Variants in ADAMTS3 observed in about 807,000 individuals in gnomAD.
ADAMTS3 encodes the protein A disintegrin and metalloproteinase with thrombospondin motifs 3.
ADAMTS3 carries 73 observed loss-of-function variants against 129.0 expected under a neutral mutation model. The observed-to-expected ratio is 0.57, with a 90% CI of 0.47 to 0.69. The LOEUF (loss-of-function observed/expected upper bound fraction) is 0.69, where lower values mean the gene tolerates loss of function less well. ADAMTS3 is among the 30% of genes least tolerant of loss of function. The probability of loss-of-function intolerance (pLI) is 0.00; values close to 1 mark genes in which losing one functional copy is unlikely to be tolerated. For missense variants in ADAMTS3, 1,457 were observed against 1,514.5 expected (o/e 0.96, Z 0.63); for synonymous variants, 477 against 510.8 (o/e 0.93, Z 0.89).
At chr4:72,295,876 CATCCATTCA>C in intron 18 of ADAMTS3, 90 bp from the exon 19 acceptor site, 1 of 1,464,350 alleles carries the variant, frequency 6.8e-7, no homozygotes, top group Non-Finnish European at 9.3e-7. Flanking sequence ...TACATTTATT[CATCCATTCA>C]ATAAATATGT....
chr4:72,446,205 G>A (rs1345957099), intron 3 of ADAMTS3, among the ~76,000 whole-genome samples: 2 of 151,628 alleles, frequency 1.3e-5, no homozygotes, highest in Non-Finnish European at 3.0e-5. Flanking sequence ...ACTTCTGACA[G>A]TTCCACATCC....
intron 3 of ADAMTS3, among the ~76,000 whole-genome samples, chr4:72,494,277 T>A (rs71603603): frequency 1.3e-5 from 2 of 152,138 alleles, no homozygotes; most frequent in Non-Finnish European, 2.9e-5. Flanking sequence ...TTATTCTTTG[T>A]CCTTCTTTGA....
intron 3 of ADAMTS3, among the ~76,000 whole-genome samples, chr4:72,455,904 T>A (rs1353806034): frequency 9.0e-6 from 1 of 111,300 alleles, no homozygotes; most frequent in African/African-American, 4.0e-5. Context: ...ATATAGTATA[T>A]ACACTGTATA....
chr4:72,309,547 C>A, intron 14 of ADAMTS3, 27 bp from the exon 15 acceptor site: 1 of 1,609,240 alleles, frequency 6.2e-7, no homozygotes, highest in Non-Finnish European at 8.5e-7. Flanking sequence ...TCAAATGTGG[C>A]TAATTTTAGT....
chr4:72,513,525 A>G (rs1720371287), intron 3 of ADAMTS3, among the ~76,000 whole-genome samples: 1 of 152,162 alleles, frequency 6.6e-6, no homozygotes, highest in South Asian at 2.1e-4. Flanking sequence ...AATTCTGATC[A>G]GAAGACTCTT....
intron 4 of ADAMTS3, 23 bp from the exon 5 acceptor site, chr4:72,339,716 AG>A (rs749235348): frequency 6.2e-7 from 1 of 1,603,524 alleles, no homozygotes; most frequent in East Asian, 2.2e-5. Flanking sequence ...AAAAGGAACC[AG>A]GAATTTCAGT....
Position 72,283,643 on chromosome 4 carries a change from G to A in ADAMTS3, c.3111C>T (p.Cys1037=), listed in dbSNP as rs1718419705. The change falls in exon 22 of 22, where the codon TGC becomes TGT. Residue 1037 remains cysteine (C), a synonymous_variant. Coordinates refer to ENST00000286657, the MANE Select transcript of ADAMTS3 (RefSeq NM_014243.3). The part of the protein sequence containing the change: ...FCQMEVLARY[C]SIPGYNKLCC... ...ATAACTTGTTATAACCTGGTATGGA[G>A]CAGTATCGTGCCAACACTTCCATTT... 3 of 1,613,382 alleles carry A rather than the reference G, an allele frequency of 1.9e-6. No homozygotes were observed. Among genetic ancestry groups the A allele is most frequent in the Non-Finnish European group, 2.5e-6 (3 of 1,179,658 alleles).
intron 4 of ADAMTS3, 66 bp from the exon 5 acceptor site, chr4:72,339,759 A>G (rs934513017): frequency 2.1e-5 from 28 of 1,323,644 alleles, no homozygotes; most frequent in Non-Finnish European, 2.9e-5. Flanking sequence ...CACTTCTTAG[A>G]AAAAAAGAAT....
intron 21 of ADAMTS3, among the ~76,000 whole-genome samples, chr4:72,284,255 AAC>A (rs1015933303): frequency 1.3e-5 from 2 of 152,172 alleles, no homozygotes; most frequent in African/African-American, 4.8e-5. Flanking sequence ...CATCCTGGCT[AAC>A]ACAGTGAAAA....
At chr4:72,503,951 G>A (rs1048351671) in intron 3 of ADAMTS3, among the ~76,000 whole-genome samples, 3 of 152,138 alleles carry the variant, frequency 2.0e-5, no homozygotes, top group Non-Finnish European at 4.4e-5. Flanking sequence ...GTGCATAATA[G>A]ATTTTTCTCC....
rs767012923 is a variant in ADAMTS3, at chr4:72,471,626, G to A, written c.505-56655C>T. On this transcript the variant is annotated intron_variant, in intron 3 of 21. Transcript: ENST00000286657. Reference sequence around the variant, plus strand: ...AAAATGCAAAAGCAGATATGAAAACGTAACCATCTTCTATCAAGCCAGGCA... The same window carrying A: ...AAAATGCAAAAGCAGATATGAAAACATAACCATCTTCTATCAAGCCAGGCA... 1.1e-4 allele frequency among the ~76,000 whole-genome samples: 17 copies of A among 152,030 alleles called. No individual in the cohort carries two copies. The East Asian group carries it at 1.2e-3, about 10-fold the overall frequency.
intron 3 of ADAMTS3, among the ~76,000 whole-genome samples, chr4:72,467,350 T>A (rs968728762): frequency 1.3e-5 from 2 of 152,090 alleles, no homozygotes; most frequent in Non-Finnish European, 2.9e-5. Flanking sequence ...ACAGTATCTA[T>A]TGCAGTATCT....
chr4:72,352,595 C>T (rs778294028), intron 4 of ADAMTS3, among the ~76,000 whole-genome samples: 3 of 151,880 alleles, frequency 2.0e-5, no homozygotes, highest in East Asian at 1.9e-4. Context: ...GTCATCAAGG[C>T]GGTCACAGCT....
At chr4:72,336,495 T>C (rs1719991194) in intron 5 of ADAMTS3, among the ~76,000 whole-genome samples, 1 of 152,194 alleles carries the variant, frequency 6.6e-6, no homozygotes, top group Admixed American at 6.5e-5. Context: ...CTTCTCATTC[T>C]CATTTGATGA....
intron 3 of ADAMTS3, among the ~76,000 whole-genome samples, chr4:72,520,835 T>C (rs10010162): frequency 0.25 from 38,538 of 151,902 alleles, 5,061 homozygotes; most frequent in Middle Eastern, 0.34. Context: ...TCGCGCATGA[T>C]GTGCTGCACC....
At chr4:72,530,036 A>AACATATTATATTTATATATAATATGTT (rs1720948153) in intron 3 of ADAMTS3, among the ~76,000 whole-genome samples, 2 of 7,728 alleles carry the variant, frequency 2.6e-4, no homozygotes, top group Non-Finnish European at 4.9e-4. Context: ...ATATAAATAT[A>AACATATTATATTTATATATAATATGTT]ATATATTATA....
chr4:72,422,505 C>A (rs866416028), intron 3 of ADAMTS3, among the ~76,000 whole-genome samples: 4 of 151,936 alleles, frequency 2.6e-5, no homozygotes, highest in Non-Finnish European at 4.4e-5. Flanking sequence ...TGCTTTAATT[C>A]TTCATATAGG....
intron 16 of ADAMTS3, among the ~76,000 whole-genome samples, chr4:72,305,439 G>T (rs1719057035): frequency 1.3e-5 from 2 of 152,004 alleles, no homozygotes; most frequent in African/African-American, 2.4e-5. Context: ...GAACTTATTT[G>T]TAAACATAAG....
intron 3 of ADAMTS3, among the ~76,000 whole-genome samples, chr4:72,464,967 C>T (rs1381908689): frequency 6.6e-6 from 1 of 151,970 alleles, no homozygotes; most frequent in South Asian, 2.1e-4. Context: ...CTAAAATGTG[C>T]CAAGCACTCC....
Sources: gnomAD v4.1 joint callset for allele counts (sites outside exome capture counted in the v4.1 genomes callset) on GRCh38, gnomAD v4.1.1 for gene constraint, MANE v1.5 for transcripts, NCBI Gene and HGNC (gene_info 2026-07-23, HGNC 2026-07-21) for gene names.